LSAMP: variants seen among roughly 807,000 people sequenced by gnomAD.
The protein encoded by LSAMP is limbic system-associated membrane protein.
LSAMP carries 7 observed loss-of-function variants against 38.6 expected under a neutral mutation model. The observed-to-expected ratio is 0.18, with a 90% CI of 0.10 to 0.34. The LOEUF (loss-of-function observed/expected upper bound fraction) is 0.34. Ranked by LOEUF, LSAMP falls within the 10% of genes least tolerant of loss-of-function variation. LSAMP has a pLI of 1.00. For missense variants in LSAMP, 313 were observed against 420.0 expected (o/e 0.75, Z 2.23); for synonymous variants, 154 against 166.8 (o/e 0.92, Z 0.59).
rs547849828 is a variant in LSAMP, at chr3:116,382,630, T to C, written c.155+62247A>G. ...TAACAAACCTGCACTTGTGCACATG[T>C]ACCCTAGAACTTAAAGTATAATAAA... On this transcript the variant is annotated intron_variant, in intron 1 of 6. Transcript: ENST00000490035. 2.0e-4 allele frequency among the ~76,000 whole-genome samples: 30 copies of C among 152,174 alleles called. No individual in the cohort carries two copies. In the South Asian group the frequency reaches 5.8e-3, roughly 29 times the overall value.
chr3:115,921,010 T>C (rs1469812599), intron 3 of LSAMP, among the ~76,000 whole-genome samples: 2 of 152,256 alleles, frequency 1.3e-5, no homozygotes, highest in East Asian at 3.9e-4. Flanking sequence ...AATATAAATA[T>C]GGCCACTCCT....
At chr3:116,164,373 A>G (rs919476212) in intron 1 of LSAMP, among the ~76,000 whole-genome samples, 1 of 151,522 alleles carries the variant, frequency 6.6e-6, no homozygotes, top group Non-Finnish European at 1.5e-5. Flanking sequence ...GTTGTGCCAA[A>G]TACTAAATAA....
intron 1 of LSAMP, among the ~76,000 whole-genome samples, chr3:116,275,716 C>T (rs1195806448): frequency 6.6e-6 from 1 of 152,072 alleles, no homozygotes; most frequent in Non-Finnish European, 1.5e-5. Flanking sequence ...TAAATCATTG[C>T]TAGCAATAAT....
chr3:115,968,345 G>A (rs1264424789), intron 3 of LSAMP, among the ~76,000 whole-genome samples: 1 of 152,012 alleles, frequency 6.6e-6, no homozygotes, highest in Non-Finnish European at 1.5e-5. Context: ...CAAGGTCCAC[G>A]GCAATTACTA....
chr3:116,047,974 T>A (rs1319180360), intron 2 of LSAMP, among the ~76,000 whole-genome samples: 2 of 152,212 alleles, frequency 1.3e-5, no homozygotes, highest in Non-Finnish European at 2.9e-5. Context: ...TTGTTTGCAT[T>A]TCTGTTCTTC....
At chr3:116,387,750 A>T (rs1020183085) in intron 1 of LSAMP, among the ~76,000 whole-genome samples, 1 of 152,168 alleles carries the variant, frequency 6.6e-6, no homozygotes, top group Non-Finnish European at 1.5e-5. Flanking sequence ...CACATCATAC[A>T]TGCATATAGT....
chr3:115,840,350 C>T (rs923386421), intron 6 of LSAMP, among the ~76,000 whole-genome samples: 9 of 152,038 alleles, frequency 5.9e-5, no homozygotes, highest in African/African-American at 2.2e-4. Flanking sequence ...GTTCCCCCCG[C>T]ACCCCCCCTC....
intron 1 of LSAMP, among the ~76,000 whole-genome samples, chr3:116,104,628 C>A (rs141983256): frequency 1.8e-4 from 27 of 152,312 alleles, no homozygotes; most frequent in Admixed American, 9.8e-4. Context: ...ACTGGAGTTG[C>A]ACAGGACTAA....
At position 115,997,536 on chromosome 3, in the gene LSAMP, A is replaced by G. The variant is rs538775630; in HGVS notation, c.514+21979T>C. On this transcript the variant is annotated intron_variant, in intron 3 of 6. Transcript: ENST00000490035. ...TTAATGATGAAAAGAATGTGTGTGT[A>G]TGTGTGTGTGTACATATAGTGGGTT... Among the ~76,000 whole-genome samples, 96 of 150,982 alleles carry G rather than the reference A, an allele frequency of 6.4e-4. 1 individual carries two copies. Among genetic ancestry groups the G allele is most frequent in the African/African-American group, 2.2e-3 (89 of 41,164 alleles).
intron 1 of LSAMP, among the ~76,000 whole-genome samples, chr3:116,279,049 C>CT (rs1393667940): frequency 6.6e-6 from 1 of 152,114 alleles, no homozygotes; most frequent in African/African-American, 2.4e-5. Context: ...CATTAACATT[C>CT]TTTTTGCTAG....
intron 1 of LSAMP, among the ~76,000 whole-genome samples, chr3:116,096,318 T>C (rs1424346208): frequency 6.6e-6 from 1 of 152,222 alleles, no homozygotes; most frequent in Non-Finnish European, 1.5e-5. Flanking sequence ...GGTCATTCAT[T>C]ATGTAGAAAA....
intron 1 of LSAMP, among the ~76,000 whole-genome samples, chr3:116,144,542 T>G (rs2107519490): frequency 7.1e-6 from 1 of 141,706 alleles, no homozygotes; most frequent in Admixed American, 7.6e-5. Context: ...CAAAATAAAA[T>G]ACTCTATATC....
intron 1 of LSAMP, among the ~76,000 whole-genome samples, chr3:116,131,431 C>T (rs1224279087): frequency 2.0e-5 from 3 of 152,092 alleles, no homozygotes; most frequent in Non-Finnish European, 4.4e-5. Context: ...CAATCAGGGT[C>T]AGTGAAATAA....
At chr3:116,332,505 G>A (rs1477710902) in intron 1 of LSAMP, among the ~76,000 whole-genome samples, 1 of 152,026 alleles carries the variant, frequency 6.6e-6, no homozygotes, top group Non-Finnish European at 1.5e-5. Context: ...AAAAGAAAAT[G>A]AGAAAGGAAT....
chr3:116,057,961 A>G (rs367903034), intron 2 of LSAMP, among the ~76,000 whole-genome samples: 1 of 82,668 alleles, frequency 1.2e-5, no homozygotes, highest in Admixed American at 1.3e-4. Context: ...ACACACCCAC[A>G]CACACACACA....
At chr3:116,026,726 TC>T (rs1459371738) in intron 2 of LSAMP, among the ~76,000 whole-genome samples, 3 of 152,188 alleles carry the variant, frequency 2.0e-5, no homozygotes. Flanking sequence ...GTTAATGGCC[TC>T]AAATCTGTAC....
At chr3:116,096,159 G>C (rs1708222192) in intron 1 of LSAMP, among the ~76,000 whole-genome samples, 1 of 152,296 alleles carries the variant, frequency 6.6e-6, no homozygotes, top group South Asian at 2.1e-4. Flanking sequence ...TTTTCGAAGA[G>C]CTTCAGGGTT....
chr3:115,836,417 T>C (rs566562126), intron 6 of LSAMP, among the ~76,000 whole-genome samples: 39 of 152,326 alleles, frequency 2.6e-4, no homozygotes, highest in African/African-American at 9.4e-4. Flanking sequence ...ATACCACTTA[T>C]AAGGAAAACG....
In LSAMP at chr3:116,075,545, G is replaced by GC. The variant is rs1429277749; in HGVS notation, c.388+10778_388+10779insG. Among the ~76,000 whole-genome samples the GC allele has an allele frequency of 2.3e-5, 3 of 131,242 alleles. No individual in the cohort carries two copies. The Admixed American group carries it at 2.3e-4, about 10-fold the overall frequency. 86.1% of individuals were successfully genotyped at this position (131,242 alleles called of 152,430 possible). On this transcript the variant is annotated intron_variant, in intron 2 of 6. Coordinates refer to ENST00000490035, the MANE Select transcript of LSAMP (RefSeq NM_002338.5). ...TATTTTGTTTTTAAATCACTTTATC[G>GC]TTTTTTTTTTTTTTTAGATGGAGTC...
Sources: gnomAD v4.1 joint callset for allele counts (sites outside exome capture counted in the v4.1 genomes callset) on GRCh38, gnomAD v4.1.1 for gene constraint, MANE v1.5 for transcripts, NCBI Gene and HGNC (gene_info 2026-07-23, HGNC 2026-07-21) for gene names.